Variants in ANO4 observed in about 807,000 individuals in gnomAD.
The protein encoded by ANO4 is anoctamin-4.
ANO4 carries 69 observed loss-of-function variants against 141.9 expected under a neutral mutation model. That is an observed-to-expected ratio of 0.49 (90% CI 0.40 to 0.59). The LOEUF is 0.59. ANO4 is among the 20% of genes least tolerant of loss of function. The pLI is 0.00. For missense variants in ANO4, 894 were observed against 1,162.2 expected, an observed-to-expected ratio of 0.77 and a Z score of 3.36; for synonymous variants, 350 against 394.3, an observed-to-expected ratio of 0.89 and a Z score of 1.33.
chr12:100,852,740 T>A (rs1212145698), intron 1 of ANO4, among the ~76,000 whole-genome samples: 1 of 152,146 alleles, frequency 6.6e-6, no homozygotes, highest in Non-Finnish European at 1.5e-5. Flanking sequence ...GGATAGCCTG[T>A]AGAAAAATGG....
chr12:100,797,134 A>ATG (rs1473106766), intron 1 of ANO4, among the ~76,000 whole-genome samples: 1 of 151,016 alleles, frequency 6.6e-6, no homozygotes, highest in Non-Finnish European at 1.5e-5. Flanking sequence ...GTGTGTGTAT[A>ATG]TATATATATA....
chr12:101,120,733 C>A, intron 26 of ANO4, 108 bp downstream of exon 26: 1 of 845,834 alleles, frequency 1.2e-6, no homozygotes, highest in Non-Finnish European at 1.9e-6. Flanking sequence ...TCTATATTTC[C>A]AGAAGTAGTA....
At chr12:100,929,560 T>C (rs1447687503) in intron 3 of ANO4, among the ~76,000 whole-genome samples, 1 of 152,166 alleles carries the variant, frequency 6.6e-6, no homozygotes, top group African/African-American at 2.4e-5. Context: ...CTATTGTGAA[T>C]AGTGCTGCAG....
chr12:100,982,377 G>T (rs957104196), intron 7 of ANO4, among the ~76,000 whole-genome samples: 1 of 152,074 alleles, frequency 6.6e-6, no homozygotes, highest in African/African-American at 2.4e-5. Context: ...AGACAAATGG[G>T]GTGCTTTCTG....
chr12:100,961,565 T>A (rs1566061097), intron 5 of ANO4, among the ~76,000 whole-genome samples: 1 of 152,194 alleles, frequency 6.6e-6, no homozygotes, highest in Admixed American at 6.5e-5. Flanking sequence ...ATAGAAATAA[T>A]GTAATTTAAA....
At chr12:100,941,956 AAATTATTATT>A (rs1310218995) in intron 4 of ANO4, among the ~76,000 whole-genome samples, 1 of 112,048 alleles carries the variant, frequency 8.9e-6, no homozygotes, top group Non-Finnish European at 1.8e-5. Flanking sequence ...ACAATGAAAA[AAATTATTATT>A]ATTATTATTA....
chr12:100,789,946 G>A (rs959688974), upstream of ANO4, among the ~76,000 whole-genome samples: 4 of 152,138 alleles, frequency 2.6e-5, no homozygotes, highest in African/African-American at 9.7e-5. Flanking sequence ...AAAAAGACGA[G>A]AAAAAACACT....
chr12:100,735,258 T>G (rs2031555563), intron 2 of ANO4, among the ~76,000 whole-genome samples: 1 of 152,204 alleles, frequency 6.6e-6, no homozygotes, highest in Admixed American at 6.5e-5. Flanking sequence ...GGCATTAAAA[T>G]TAAGTGGCAG....
At chr12:100,740,113 T>A in intron 3 of ANO4, 1 of 701,730 alleles carries the variant, frequency 1.4e-6, no homozygotes, top group Non-Finnish European at 2.6e-6. Context: ...CAGGTAAGTG[T>A]TGGCTTCCTG....
chr12:100,756,187 G>C (rs1177051068), intron 3 of ANO4, among the ~76,000 whole-genome samples: 1 of 152,054 alleles, frequency 6.6e-6, no homozygotes, highest in Non-Finnish European at 1.5e-5. Flanking sequence ...TTACAACATA[G>C]TAAGGGCTGT....
intron 1 of ANO4, among the ~76,000 whole-genome samples, chr12:100,833,216 A>T (rs998037539): frequency 3.9e-5 from 6 of 152,116 alleles, no homozygotes; most frequent in Non-Finnish European, 7.4e-5. Context: ...AGTAATTAAA[A>T]ACTGAAAAGC....
At chr12:100,903,009 A>G (rs1296160925) in intron 2 of ANO4, among the ~76,000 whole-genome samples, 1 of 152,066 alleles carries the variant, frequency 6.6e-6, no homozygotes, top group Non-Finnish European at 1.5e-5. Flanking sequence ...ATCATTTAAC[A>G]CTGTACCCTT....
chr12:100,882,925 T>C (rs1396015452), intron 1 of ANO4, among the ~76,000 whole-genome samples: 1 of 152,160 alleles, frequency 6.6e-6, no homozygotes, highest in Admixed American at 6.5e-5. Flanking sequence ...GGTCTTGAAC[T>C]CCTGACCTCA....
At position 100,765,399 on chromosome 12, in the gene ANO4, GAC is replaced by G. The variant is rs146430727; in HGVS notation, c.358+25296_358+25297del. 5.3e-4 allele frequency among the ~76,000 whole-genome samples: 49 copies of G among 92,352 alleles called. No homozygotes were observed. In the East Asian group the frequency reaches 0.011, roughly 21 times the overall value. 60.6% of individuals were successfully genotyped at this position (92,352 alleles called of 152,430 possible). A position where few individuals can be genotyped will look rare whatever the true frequency, so the allele number is the denominator to read the frequency against. On this transcript the variant is annotated intron_variant, in intron 3 of 29. Transcript: ENST00000644049. ...TCTTTCTTTTTTTTTTTTTTTTTGA[GAC>G]AGGGTTCTACTCTGTCACCCAGGTT... is the stretch of plus-strand genomic sequence containing the variant.
chr12:100,839,443 G>T, intron 1 of ANO4, among the ~76,000 whole-genome samples: 1 of 152,028 alleles, frequency 6.6e-6, no homozygotes, highest in South Asian at 2.1e-4. Flanking sequence ...TGTAATGTAG[G>T]TACAAGAATA....
intron 8 of ANO4, among the ~76,000 whole-genome samples, chr12:101,011,072 A>C (rs1478335768): frequency 6.6e-6 from 1 of 152,130 alleles, no homozygotes; most frequent in East Asian, 1.9e-4. Context: ...CTGTCTCCAC[A>C]TGGCTCATCT....
chr12:100,963,476 CTGTGTGTGTGTGTCTG>C lies in ANO4; in HGVS notation c.457-7800_457-7785del, dbSNP rs773281880. The stretch of plus-strand genomic sequence containing the variant: ...CAAGAGGCTTCTCTCCACCAGGACA[CTGTGTGTGTGTGTCTG>C]TGTGTGTGTGTGTCTGTGTGTGTGT... On this transcript the variant is annotated intron_variant, in intron 5 of 27. Coordinates refer to ENST00000392977, the MANE Select transcript of ANO4 (RefSeq NM_001286615.2). 1.1e-4 allele frequency among the ~76,000 whole-genome samples: 16 copies of C among 151,698 alleles called. No homozygotes were observed. The East Asian group carries it at 1.2e-3, about 11-fold the overall frequency.
intron 11 of ANO4, 148 bp downstream of exon 11, chr12:101,040,224 T>C (rs1215931182): frequency 4.8e-5 from 50 of 1,039,962 alleles, no homozygotes; most frequent in Non-Finnish European, 6.5e-5. Context: ...GAAACTCATC[T>C]GAGGACATCA....
intron 2 of ANO4, among the ~76,000 whole-genome samples, chr12:100,903,443 G>T (rs1382170555): frequency 6.6e-6 from 1 of 152,110 alleles, no homozygotes; most frequent in Non-Finnish European, 1.5e-5. Context: ...ACCAATTACA[G>T]GGTCCAGTTC....
Sources: allele counts gnomAD v4.1 joint callset (sites outside exome capture counted in the v4.1 genomes callset), GRCh38; gene constraint gnomAD v4.1.1; transcripts MANE v1.5; gene names NCBI Gene and HGNC (gene_info 2026-07-23, HGNC 2026-07-21).